The following SYNE2 variants were observed in gnomAD, a reference collection of about 807,000 sequenced individuals.
SYNE2 encodes the protein nesprin-2.
A neutral mutation model predicts 856.3 loss-of-function variants in SYNE2; 431 were observed. The observed-to-expected ratio is 0.50, with a 90% confidence interval of 0.47 to 0.55. The LOEUF (loss-of-function observed/expected upper bound fraction) is 0.55, where lower values mean the gene tolerates loss of function less well. Ranked by LOEUF, SYNE2 falls within the 20% of genes least tolerant of loss-of-function variation. The probability of loss-of-function intolerance (pLI) is 0.00; values close to 1 mark genes in which losing one functional copy is unlikely to be tolerated. For missense variants in SYNE2, 8,129 were observed against 8,023.2 expected, an observed-to-expected ratio of 1.01 and a Z score of -0.50; for synonymous variants, 2,923 against 2,872.3, an observed-to-expected ratio of 1.02 and a Z score of -0.56.
chr14:63,855,903 C>T (rs1380526714), intron 1 of SYNE2, among the ~76,000 whole-genome samples: 6 of 152,250 alleles, frequency 3.9e-5, no homozygotes, highest in Admixed American at 3.9e-4. Flanking sequence ...AGTGCTGGGA[C>T]ATGGAATAAC....
chr14:63,940,723 C>T (rs776881757), intron 3 of SYNE2, 48 bp downstream of exon 3: 11 of 1,550,970 alleles, frequency 7.1e-6, no homozygotes, highest in Middle Eastern at 3.4e-4. Context: ...TTATTACTCC[C>T]CCTACTCCTT....
intron 68 of SYNE2, 68 bp downstream of exon 68, chr14:64,121,129 C>T: frequency 6.2e-7 from 1 of 1,601,528 alleles, no homozygotes. Flanking sequence ...GTGGTGCAAA[C>T]CTACAGTCCT....
Position 64,093,333 on chromosome 14 carries a change from G to T in SYNE2, c.11977-16G>T. 6.2e-7 allele frequency: 1 copy of T among 1,613,120 alleles called. No homozygotes were observed. On this transcript the variant is annotated splice_polypyrimidine_tract_variant and intron_variant, in intron 60 of 115. Coordinates refer to ENST00000555002, the MANE Select transcript of SYNE2 (RefSeq NM_182914.3). ...GATTATGACAAAGATTCTTTTTTGT[G>T]GGGGTTATTTTATAGGTAGTCATAA...
rs374734132 is a variant in SYNE2, at chr14:64,168,392, CAA to C, written c.16906-482_16906-481del. Among the ~76,000 whole-genome samples the C allele has an allele frequency of 3.3e-4, 51 of 152,284 alleles. 1 individual carries two copies. The East Asian group carries it at 9.6e-3, about 29-fold the overall frequency. On this transcript the variant is annotated intron_variant, in intron 92 of 115. Transcript: ENST00000555002. The stretch of plus-strand genomic sequence containing the variant: ...TGCTGGGATTACAAAGGACACATTT[CAA>C]AAGTGTGCAGAATTACTTCACTGCA...
chr14:63,988,520 T>C (rs1471671284), intron 19 of SYNE2, among the ~76,000 whole-genome samples: 1 of 152,198 alleles, frequency 6.6e-6, no homozygotes, highest in African/African-American at 2.4e-5. Context: ...AAAATTGAAA[T>C]CACTGTGATT....
intron 1 of SYNE2, among the ~76,000 whole-genome samples, chr14:63,844,590 A>T (rs2139938740): frequency 6.6e-6 from 1 of 152,358 alleles, no homozygotes; most frequent in East Asian, 1.9e-4. Flanking sequence ...TCTGCTGTTA[A>T]TACTTGACTT....
At position 64,130,896 on chromosome 14, in the gene SYNE2, A is replaced by G. The variant is rs560952689; in HGVS notation, c.14340+648A>G. 2.9e-4 allele frequency among the ~76,000 whole-genome samples: 44 copies of G among 152,164 alleles called. 1 individual carries two copies. Among genetic ancestry groups the G allele is most frequent in the African/African-American group, 9.9e-4 (41 of 41,520 alleles). On this transcript the variant is annotated intron_variant, in intron 76 of 115. Coordinates refer to ENST00000555002, the MANE Select transcript of SYNE2 (RefSeq NM_182914.3). ...AAGACTCTATCTCAAAAAAAAAAAA[A>G]AAAGAAGAAAAGGCTTTCCTGAGAA...
At position 64,023,150 on chromosome 14, in the gene SYNE2, G is replaced by A. The variant is rs532852030; in HGVS notation, c.5637+287G>A. On this transcript the variant is annotated intron_variant, in intron 38 of 115. Transcript: ENST00000555002. ...CAAGTACCTGTAGTCCCAGGTGAGAGGATCGCTTGAGCCTGGGAGGAGGAA... is the reference window on the plus strand; with the variant it reads ...CAAGTACCTGTAGTCCCAGGTGAGAAGATCGCTTGAGCCTGGGAGGAGGAA... 4 of 371,666 alleles carry A rather than the reference G, an allele frequency of 1.1e-5. No individual in the cohort carries two copies. The Admixed American group carries it at 1.3e-4, about 12-fold the overall frequency. 23.0% of individuals were successfully genotyped at this position (371,666 alleles called of 1,614,324 possible).
Position 63,980,685 on chromosome 14 carries a change from G to T in SYNE2, c.1601G>T (p.Arg534Leu), listed in dbSNP as rs752176254. The change falls in exon 15 of 116, where the codon CGA becomes CTA. Residue 534 changes from arginine (R) to leucine (L), a missense_variant. By Grantham distance (102) the Arg-to-Leu change is moderately radical (BLOSUM62 -2). Coordinates refer to ENST00000555002, the MANE Select transcript of SYNE2 (RefSeq NM_182914.3). ...KFIEEKEFLARLDTSFQKCGE... is the reference protein window; with the variant it reads ...KFIEEKEFLALLDTSFQKCGE... Reference sequence around the variant, plus strand: ...ATTGAAGAAAAAGAATTCCTAGCTCGACTTGATACTTCTTTTCAAAAATGT... The same window carrying T: ...ATTGAAGAAAAAGAATTCCTAGCTCTACTTGATACTTCTTTTCAAAAATGT... 1 of 1,606,648 alleles carries T rather than the reference G, an allele frequency of 6.2e-7. No homozygotes were observed. The highest frequency in any genetic ancestry group is 8.5e-7 in the Non-Finnish European group (1 of 1,173,834).
chr14:64,198,840 AAGACAAATC>A (rs1234694774), intron 99 of SYNE2, among the ~76,000 whole-genome samples: 2 of 152,220 alleles, frequency 1.3e-5, no homozygotes, highest in Non-Finnish European at 2.9e-5. Context: ...CTTTATGAAG[AAGACAAATC>A]AGACAAATTG....
chr14:64,190,299 A>G, intron 99 of SYNE2, 62 bp downstream of exon 99: 1 of 1,601,164 alleles, frequency 6.2e-7, no homozygotes, highest in Non-Finnish European at 8.6e-7. Flanking sequence ...AGATCTAGTA[A>G]ACTGAACCCA....
intron 1 of SYNE2, among the ~76,000 whole-genome samples, chr14:63,823,901 T>A (rs1477981781): frequency 2.6e-5 from 4 of 152,118 alleles, no homozygotes; most frequent in Non-Finnish European, 5.9e-5. Flanking sequence ...CTTCCCAAAG[T>A]GCTGAGATTA....
chr14:64,225,023 G>A lies in SYNE2; in HGVS notation c.20494G>A (p.Gly6832Ser), dbSNP rs368740030. ...GTTCAGAGCAGTGAGAACTACAGAA[G>A]GCGAGGAGGAGACAGAGAGCAGGTA... ...AKFRAVRTTE[G>S]EEETESRVPG... The change falls in exon 115 of 116, where the codon GGC (glycine) becomes AGC (serine). Residue 6832 changes from glycine to serine, a missense_variant. Gly to Ser is a moderately conservative substitution (Grantham distance 56, BLOSUM62 0). This residue lies in a region of SYNE2 where 5,410 missense variants were observed against 5,284.8 expected (regional missense o/e 1.02). Transcript: ENST00000555002. 6.2e-7 allele frequency: 1 copy of A among 1,613,976 alleles called. No individual in the cohort carries two copies. Among genetic ancestry groups the A allele is most frequent in the Non-Finnish European group, 8.5e-7 (1 of 1,179,982 alleles).
At chr14:64,177,897 T>C (rs2098442003) in intron 96 of SYNE2, among the ~76,000 whole-genome samples, 1 of 152,232 alleles carries the variant, frequency 6.6e-6, no homozygotes, top group Non-Finnish European at 1.5e-5. Context: ...TGCTCCAGTA[T>C]AGCATTTTTA....
intron 1 of SYNE2, among the ~76,000 whole-genome samples, chr14:63,827,740 T>C (rs1889508796): frequency 6.7e-6 from 1 of 148,794 alleles, no homozygotes; most frequent in African/African-American, 2.5e-5. Context: ...TTAAGCACAG[T>C]ATTACACTCT....
At position 64,220,423 on chromosome 14, in the gene SYNE2, T is replaced by C. The variant is rs772866446; in HGVS notation, c.19861-14T>C. ...TTTCAGAGCTCCTAACCTCATCTTTTCTCTCTCTGGTAGGAGATACTGAAA... is the reference window on the plus strand; with the variant it reads ...TTTCAGAGCTCCTAACCTCATCTTTCCTCTCTCTGGTAGGAGATACTGAAA... On this transcript the variant is annotated splice_polypyrimidine_tract_variant and intron_variant, in intron 110 of 115. Coordinates refer to ENST00000555002, the MANE Select transcript of SYNE2 (RefSeq NM_182914.3). The C allele has an allele frequency of 6.2e-7, 1 of 1,614,038 alleles. No homozygotes were observed. The highest frequency in any genetic ancestry group is 8.5e-7 in the Non-Finnish European group (1 of 1,179,886).
rs769496095 is a variant in SYNE2 at position 64,022,731 on chromosome 14, C to CT, written c.5525-11dup. 6.4e-4 allele frequency: 825 copies of CT among 1,291,130 alleles called. No homozygotes were observed. Among genetic ancestry groups the CT allele is most frequent in the Non-Finnish European group, 8.3e-4 (745 of 893,378 alleles). The allele number at this position is 1,291,130 out of a possible 1,614,324, so 80.0% of individuals were successfully genotyped here. ...TGAAGTCTTCCTTGAATGAATAGAG[C>CT]TTTTTTTTTCCCCCTGCAGATCAAT... On this transcript the variant is annotated intron_variant, in intron 37 of 115. Transcript: ENST00000555002.
intron 13 of SYNE2, 63 bp downstream of exon 13, chr14:63,978,080 A>G: frequency 3.9e-6 from 4 of 1,022,456 alleles, no homozygotes; most frequent in Middle Eastern, 2.0e-4. Context: ...AACTGATACT[A>G]CAGGGACCAC....
chr14:63,957,596 C>T (rs1171924197), intron 8 of SYNE2, among the ~76,000 whole-genome samples: 3 of 151,676 alleles, frequency 2.0e-5, no homozygotes, highest in Non-Finnish European at 2.9e-5. Flanking sequence ...TAAACTTCAG[C>T]GGGGCACTGT....
Sources: allele counts gnomAD v4.1 joint callset (sites outside exome capture counted in the v4.1 genomes callset), GRCh38; gene constraint gnomAD v4.1.1; regional missense constraint gnomAD v4.1.1; transcripts MANE v1.5; gene names NCBI Gene and HGNC (gene_info 2026-07-23, HGNC 2026-07-21).